The following ADAMTS6 variants were observed in gnomAD, a reference collection of about 807,000 sequenced individuals.
ADAMTS6 encodes A disintegrin and metalloproteinase with thrombospondin motifs 6.
In ADAMTS6, 23 loss-of-function variants were observed where a neutral mutation model predicts 144.3. The ratio of observed to expected loss-of-function variants is 0.16; its 90% confidence interval spans 0.11 to 0.23. ADAMTS6 has a LOEUF of 0.23. Ranked by LOEUF, ADAMTS6 falls within the 10% of genes least tolerant of loss-of-function variation. The pLI, the probability that ADAMTS6 is intolerant of heterozygous loss-of-function variation, is 1.00. For synonymous variants in ADAMTS6, 444 were observed against 457.5 expected (o/e 0.97, Z 0.38); for missense variants, 999 against 1,379.6 (o/e 0.72, Z 4.37).
Position 65,260,633 on chromosome 5 carries a change from C to A in ADAMTS6, c.1797G>T (p.Gly599=). 6.2e-7 allele frequency: 1 copy of A among 1,613,382 alleles called. No individual in the cohort carries two copies. The highest frequency in any genetic ancestry group is 8.5e-7 in the Non-Finnish European group (1 of 1,179,700). ...TACAGGAGCGATACCGTTTCCTTTCCCCAAGGCAATATTTTCCACCTCCTG... is the reference window on the plus strand; with the variant it reads ...TACAGGAGCGATACCGTTTCCTTTCACCAAGGCAATATTTTCCACCTCCTG... ...APSGGGKYCL[G]ERKRYRSCNT... The change falls in exon 14 of 25, where the codon GGG becomes GGT. Residue 599 remains glycine (G), a synonymous_variant. Coordinates refer to ENST00000381055, the MANE Select transcript of ADAMTS6 (RefSeq NM_197941.4).
chr5:65,235,532 G>T (rs1758603010), intron 15 of ADAMTS6, among the ~76,000 whole-genome samples: 1 of 152,130 alleles, frequency 6.6e-6, no homozygotes, highest in Admixed American at 6.5e-5. Flanking sequence ...CCCTTAATCT[G>T]GTTGGGCACA....
At chr5:65,338,474 T>G (rs1747513353) in intron 7 of ADAMTS6, among the ~76,000 whole-genome samples, 1 of 152,250 alleles carries the variant, frequency 6.6e-6, no homozygotes, top group South Asian at 2.1e-4. Context: ...GGCATGGCTA[T>G]CAGAAGAAAC....
At chr5:65,352,914 A>G (rs992125638) in intron 7 of ADAMTS6, among the ~76,000 whole-genome samples, 4 of 152,032 alleles carry the variant, frequency 2.6e-5, no homozygotes, top group African/African-American at 4.8e-5. Flanking sequence ...TAAATGATCT[A>G]AGAACCTAAA....
At chr5:65,212,142 T>A (rs1241618737) in intron 20 of ADAMTS6, among the ~76,000 whole-genome samples, 3 of 152,182 alleles carry the variant, frequency 2.0e-5, no homozygotes. Context: ...GGTGCTCAAA[T>A]TAGCATTTCT....
intron 7 of ADAMTS6, among the ~76,000 whole-genome samples, chr5:65,441,262 T>C (rs780005970): frequency 7.9e-5 from 12 of 152,092 alleles, no homozygotes; most frequent in Non-Finnish European, 1.6e-4. Context: ...CTTGAAGACA[T>C]AGCAATAGAA....
At chr5:65,189,279 A>G (rs746565675) in intron 21 of ADAMTS6, among the ~76,000 whole-genome samples, 40 of 152,140 alleles carry the variant, frequency 2.6e-4, no homozygotes, top group Non-Finnish European at 4.6e-4. Context: ...TTCTGGACAC[A>G]TTAATTAGTC....
chr5:65,197,455 A>G (rs1411831590), intron 20 of ADAMTS6, among the ~76,000 whole-genome samples: 1 of 152,252 alleles, frequency 6.6e-6, no homozygotes, highest in Admixed American at 6.5e-5. Context: ...ACAAACAAAC[A>G]AAACAACAGA....
At chr5:65,236,284 GA>G (rs1322504976) in intron 15 of ADAMTS6, among the ~76,000 whole-genome samples, 1 of 152,066 alleles carries the variant, frequency 6.6e-6, no homozygotes, top group African/African-American at 2.4e-5. Flanking sequence ...CATTCACCAA[GA>G]AAAGAGTATT....
At chr5:65,155,086 T>A (rs1293085453) in intron 24 of ADAMTS6, among the ~76,000 whole-genome samples, 15 of 152,186 alleles carry the variant, frequency 9.9e-5, no homozygotes, top group African/African-American at 3.6e-4. Context: ...GTTCATTACA[T>A]CTTTAGATTT....
At chr5:65,289,584 G>C (rs1742083906) in intron 11 of ADAMTS6, among the ~76,000 whole-genome samples, 3 of 152,096 alleles carry the variant, frequency 2.0e-5, no homozygotes, top group Admixed American at 2.0e-4. Context: ...ATATAATTTT[G>C]TATTCTTTAT....
intron 22 of ADAMTS6, among the ~76,000 whole-genome samples, chr5:65,186,585 CAT>C (rs1754685211): frequency 1.3e-5 from 2 of 152,136 alleles, no homozygotes; most frequent in Non-Finnish European, 1.5e-5. Flanking sequence ...TGGGCACTAA[CAT>C]GTGTACAACT....
intron 14 of ADAMTS6, among the ~76,000 whole-genome samples, chr5:65,254,382 G>GA (rs1282693008): frequency 5.9e-5 from 9 of 152,096 alleles, no homozygotes; most frequent in Non-Finnish European, 1.3e-4. Context: ...AAAACAAAAA[G>GA]AAAAAATTCT....
chr5:65,280,979 A>G (rs567778528), intron 11 of ADAMTS6, among the ~76,000 whole-genome samples: 1 of 152,182 alleles, frequency 6.6e-6, no homozygotes, highest in African/African-American at 2.4e-5. Context: ...ACTTCAGCAC[A>G]TATTTCATGA....
At chr5:65,253,176 G>T (rs1168967091) in intron 14 of ADAMTS6, among the ~76,000 whole-genome samples, 2 of 152,082 alleles carry the variant, frequency 1.3e-5, no homozygotes, top group South Asian at 2.1e-4. Flanking sequence ...ACAGCTGTGA[G>T]CCATGGTACC....
intron 9 of ADAMTS6, among the ~76,000 whole-genome samples, chr5:65,327,728 T>G (rs1319434584): frequency 6.6e-6 from 1 of 152,172 alleles, no homozygotes; most frequent in African/African-American, 2.4e-5. Flanking sequence ...ATCAGAATCT[T>G]TATAAAAGAT....
chr5:65,471,430 A>C (rs1353043530), intron 2 of ADAMTS6, among the ~76,000 whole-genome samples: 1 of 152,182 alleles, frequency 6.6e-6, no homozygotes, highest in Non-Finnish European at 1.5e-5. Context: ...AGAAATATTA[A>C]AATTTTACTT....
intron 12 of ADAMTS6, among the ~76,000 whole-genome samples, chr5:65,263,849 A>C (rs1333977896): frequency 6.6e-6 from 1 of 152,238 alleles, no homozygotes; most frequent in Non-Finnish European, 1.5e-5. Flanking sequence ...TCATTTGTTT[A>C]TATGAATAAC....
intron 7 of ADAMTS6, among the ~76,000 whole-genome samples, chr5:65,411,078 T>A (rs1199911123): frequency 6.6e-6 from 1 of 152,128 alleles, no homozygotes; most frequent in African/African-American, 2.4e-5. Context: ...GCTCAAGTGA[T>A]CCTCCCACCT....
chr5:65,347,329 G>C (rs2150083996), intron 7 of ADAMTS6, among the ~76,000 whole-genome samples: 1 of 151,998 alleles, frequency 6.6e-6, no homozygotes, highest in South Asian at 2.1e-4. Flanking sequence ...ACAGAACAGA[G>C]AGCCCAGAAA....
Sources: allele counts gnomAD v4.1 joint callset (sites outside exome capture counted in the v4.1 genomes callset), GRCh38; gene constraint gnomAD v4.1.1; transcripts MANE v1.5; gene names NCBI Gene and HGNC (gene_info 2026-07-23, HGNC 2026-07-21).